MKLN1: variants seen among roughly 807,000 people sequenced by gnomAD.
MKLN1 encodes the protein muskelin.
A neutral mutation model predicts 99.0 loss-of-function variants in MKLN1; 18 were observed. The observed-to-expected ratio is 0.18, with a 90% CI of 0.13 to 0.27. The LOEUF (loss-of-function observed/expected upper bound fraction) is 0.27, where lower values mean the gene tolerates loss of function less well. Among genes scored for constraint, MKLN1 ranks in the 10% least tolerant of loss-of-function variants. The pLI is 1.00. For synonymous variants in MKLN1, 288 were observed against 293.2 expected (o/e 0.98, Z 0.18); for missense variants, 621 against 875.9 (o/e 0.71, Z 3.67).
At chr7:131,121,497 G>T (rs552101081) in intron 1 of MKLN1, among the ~76,000 whole-genome samples, 216 of 152,060 alleles carry the variant, frequency 1.4e-3, no homozygotes, top group Non-Finnish European at 2.8e-3. Flanking sequence ...AATTAGCTGG[G>T]TGTGGTGGCG....
At chr7:131,168,080 T>C (rs1796151723) in intron 2 of MKLN1, among the ~76,000 whole-genome samples, 1 of 152,248 alleles carries the variant, frequency 6.6e-6, no homozygotes, top group Non-Finnish European at 1.5e-5. Context: ...TTAGGTTATA[T>C]CCTTTCTGTA....
At chr7:131,175,860 A>G (rs900789806) in intron 2 of MKLN1, among the ~76,000 whole-genome samples, 2 of 151,992 alleles carry the variant, frequency 1.3e-5, no homozygotes, top group Non-Finnish European at 2.9e-5. Context: ...AGATTGCACC[A>G]TTGCACTCCA....
At chr7:131,391,016 C>A (rs186240668) in intron 4 of MKLN1, among the ~76,000 whole-genome samples, 64 of 151,986 alleles carry the variant, frequency 4.2e-4, no homozygotes, top group Non-Finnish European at 7.5e-4. Flanking sequence ...TATGTTAATA[C>A]CGGTCAGCAG....
At chr7:131,465,971 C>T (rs1332553298) in intron 14 of MKLN1, among the ~76,000 whole-genome samples, 1 of 152,078 alleles carries the variant, frequency 6.6e-6, no homozygotes, top group African/African-American at 2.4e-5. Flanking sequence ...TATTTGTTGT[C>T]CTCAGCAAAT....
intron 3 of MKLN1, among the ~76,000 whole-genome samples, chr7:131,243,372 G>A (rs1797436450): frequency 6.6e-6 from 1 of 152,150 alleles, no homozygotes; most frequent in Admixed American, 6.5e-5. Flanking sequence ...GCTGTTACCG[G>A]CCTTTGTAAT....
At chr7:131,302,079 A>G (rs756750991) in intron 3 of MKLN1, among the ~76,000 whole-genome samples, 1 of 152,248 alleles carries the variant, frequency 6.6e-6, no homozygotes, top group Non-Finnish European at 1.5e-5. Context: ...TGCTACAGGG[A>G]TAGCGTTCAT....
chr7:131,484,662 C>T lies in MKLN1; in HGVS notation c.2087-2945C>T, dbSNP rs548676211. On this transcript the variant is annotated intron_variant, in intron 17 of 17. Transcript: ENST00000352689. ...TTTAAAAATATAACACAGCATTGTA[C>T]TTCTACATACTCAGAACGTAAGAGA... Among the ~76,000 whole-genome samples the T allele has an allele frequency of 2.6e-5, 4 of 152,250 alleles. No individual in the cohort carries two copies. In the South Asian group the frequency reaches 8.3e-4, roughly 32 times the overall value.
At chr7:131,268,146 A>T (rs543355770) in intron 3 of MKLN1, among the ~76,000 whole-genome samples, 1 of 152,236 alleles carries the variant, frequency 6.6e-6, no homozygotes, top group East Asian at 1.9e-4. Context: ...GAATATAAAA[A>T]TGTCCAGAGG....
intron 1 of MKLN1, among the ~76,000 whole-genome samples, chr7:131,115,014 G>A (rs1366160589): frequency 1.3e-5 from 2 of 152,068 alleles, no homozygotes; most frequent in Admixed American, 6.6e-5. Context: ...TGTTGTGTTC[G>A]GCAAGAAGGA....
At chr7:131,475,053 CA>C (rs1402170863) in intron 16 of MKLN1, among the ~76,000 whole-genome samples, 3 of 152,078 alleles carry the variant, frequency 2.0e-5, no homozygotes, top group African/African-American at 7.2e-5. Flanking sequence ...CCCTGTGATC[CA>C]ATGGTCCCCC....
intron 3 of MKLN1, among the ~76,000 whole-genome samples, chr7:131,305,964 G>A (rs531213856): frequency 9.0e-4 from 137 of 152,228 alleles, no homozygotes; most frequent in Middle Eastern, 3.4e-3. Flanking sequence ...TAATCCCCAC[G>A]TGTCAGGGAA....
At chr7:131,140,544 C>T (rs755695084) in intron 1 of MKLN1, among the ~76,000 whole-genome samples, 1 of 152,084 alleles carries the variant, frequency 6.6e-6, no homozygotes, top group African/African-American at 2.4e-5. Flanking sequence ...AAGAGCAACA[C>T]CTCCTCTTCT....
rs186269074 is a variant in MKLN1 at position 131,205,178 on chromosome 7, G to C, written c.-179+2204G>C. 3.8e-3 allele frequency among the ~76,000 whole-genome samples: 573 copies of C among 152,126 alleles called. 4 individuals are homozygous for C. Among genetic ancestry groups the C allele is most frequent in the African/African-American group, 0.013 (546 of 41,532 alleles). Reference sequence around the variant, plus strand: ...ACAATTCCATGCTCTAGACCTTTATGATGAGGCTTCTAAAGTTAGCCCTGC... The same window carrying C: ...ACAATTCCATGCTCTAGACCTTTATCATGAGGCTTCTAAAGTTAGCCCTGC... On this transcript the variant is annotated intron_variant, in intron 3 of 7. Coordinates refer to the MKLN1 transcript ENST00000416992.
chr7:131,156,785 G>A (rs1795975784), intron 2 of MKLN1, among the ~76,000 whole-genome samples: 1 of 152,136 alleles, frequency 6.6e-6, no homozygotes, highest in South Asian at 2.1e-4. Context: ...TGTAAGTTGA[G>A]GAGCACCTGT....
At chr7:131,200,244 G>A (rs1796707757) in intron 2 of MKLN1, among the ~76,000 whole-genome samples, 1 of 152,192 alleles carries the variant, frequency 6.6e-6, no homozygotes, top group Non-Finnish European at 1.5e-5. Flanking sequence ...TTACTGAGGT[G>A]AAGTCATTTT....
intron 3 of MKLN1, among the ~76,000 whole-genome samples, chr7:131,280,155 G>A (rs1459842351): frequency 6.6e-6 from 1 of 152,004 alleles, no homozygotes; most frequent in East Asian, 1.9e-4. Context: ...CTTTTTTCTG[G>A]CTGAAAAGAT....
rs551819803 is a variant in MKLN1, at chr7:131,164,259, A to G, written c.-297+21318A>G. On this transcript the variant is annotated intron_variant, in intron 2 of 7. Coordinates refer to the MKLN1 transcript ENST00000416992. ...CCTGAGTAGCTGGGACTACAGGCAC[A>G]CACCACCATGCCTAGCTAATTTTTG... Among the ~76,000 whole-genome samples, 9 of 152,224 alleles carry G rather than the reference A, an allele frequency of 5.9e-5. No individual in the cohort carries two copies. The South Asian group carries it at 1.9e-3, about 32-fold the overall frequency.
chr7:131,143,203 T>C (rs2116264087), intron 2 of MKLN1, among the ~76,000 whole-genome samples: 1 of 152,334 alleles, frequency 6.6e-6, no homozygotes, highest in Non-Finnish European at 1.5e-5. Context: ...GCGCAGTGGC[T>C]CATGTCTGTA....
intron 2 of MKLN1, among the ~76,000 whole-genome samples, chr7:131,378,294 T>C (rs1793727558): frequency 6.6e-6 from 1 of 152,144 alleles, no homozygotes; most frequent in South Asian, 2.1e-4. Context: ...GTATTTTTAG[T>C]AGATACTGGG....
Sources: gnomAD v4.1 joint callset for allele counts (sites outside exome capture counted in the v4.1 genomes callset) on GRCh38, gnomAD v4.1.1 for gene constraint, MANE v1.5 for transcripts, NCBI Gene and HGNC (gene_info 2026-07-23, HGNC 2026-07-21) for gene names.